Variants in MTMR10 observed in about 807,000 individuals in gnomAD.
MTMR10 encodes the protein myotubularin-related protein 10.
Under a neutral mutation model 88.1 loss-of-function variants are expected in MTMR10, and 56 were observed. The ratio of observed to expected loss-of-function variants is 0.64; its 90% CI spans 0.51 to 0.79. The LOEUF (loss-of-function observed/expected upper bound fraction) is 0.79. MTMR10 is among the 30% of genes least tolerant of loss of function. The probability of loss-of-function intolerance (pLI) is 0.00; values close to 1 mark genes in which losing one functional copy is unlikely to be tolerated. For missense variants in MTMR10, 883 were observed against 924.7 expected, an observed-to-expected ratio of 0.95 and a Z score of 0.58; for synonymous variants, 380 against 340.9, an observed-to-expected ratio of 1.11 and a Z score of -1.26.
chr15:30,970,263 T>C (rs1457171875), intron 5 of MTMR10, among the ~76,000 whole-genome samples: 1 of 152,136 alleles, frequency 6.6e-6, no homozygotes, highest in Non-Finnish European at 1.5e-5. Flanking sequence ...GAAGCTTACA[T>C]TCTAGTGGGA....
intron 9 of MTMR10, 24 bp from the exon 10 acceptor site, chr15:30,954,917 G>A (rs769831990): frequency 1.8e-5 from 27 of 1,519,244 alleles, no homozygotes; most frequent in Non-Finnish European, 2.1e-5. Context: ...AAATACTTTA[G>A]TCATTACTCA....
chr15:30,922,269 A>G, the MTMR10 span: 1 of 1,613,478 alleles, frequency 6.2e-7, no homozygotes, highest in Admixed American at 1.7e-5. Context: ...CTTTTGTCTC[A>G]GAGAATTTAT....
chr15:30,931,208 A>T, the MTMR10 span, among the ~76,000 whole-genome samples: 1,821 of 152,204 alleles, frequency 0.012, 30 homozygotes, highest in African/African-American at 0.04. Flanking sequence ...CCCACAAAAA[A>T]TTTTTTAAAA....
intron 2 of MTMR10, among the ~76,000 whole-genome samples, chr15:30,981,257 A>G (rs145236694): frequency 5.4e-4 from 83 of 152,362 alleles, no homozygotes; most frequent in South Asian, 1.7e-3. Context: ...TTAATTCCCA[A>G]TCCCTTGAAT....
In MTMR10 at chr15:30,975,052, C is replaced by T. The variant is rs1490867741; in HGVS notation, c.259-49G>A. 4 of 1,339,028 alleles carry T rather than the reference C, an allele frequency of 3.0e-6. No individual in the cohort carries two copies. The East Asian group carries it at 1.0e-4, about 34-fold the overall frequency. The allele number at this position is 1,339,028 out of a possible 1,614,324, so 82.9% of individuals were successfully genotyped here. ...ATTAATTCTTTTCCCAATAATCTCACAATGGTAGTATAAGCCTTAAACTGT... is the reference window on the plus strand; with the variant it reads ...ATTAATTCTTTTCCCAATAATCTCATAATGGTAGTATAAGCCTTAAACTGT... On this transcript the variant is annotated intron_variant, in intron 3 of 15. Coordinates refer to ENST00000435680, the MANE Select transcript of MTMR10 (RefSeq NM_017762.3).
intron 2 of MTMR10, among the ~76,000 whole-genome samples, chr15:30,983,181 G>T (rs955610081): frequency 6.6e-6 from 1 of 152,208 alleles, no homozygotes; most frequent in East Asian, 1.9e-4. Context: ...TATGCCATCA[G>T]CCACGGTGGG....
intron 9 of MTMR10, 74 bp downstream of exon 9, chr15:30,958,789 A>T: frequency 6.8e-7 from 1 of 1,480,652 alleles, no homozygotes; most frequent in Non-Finnish European, 9.4e-7. Flanking sequence ...TGTTATTTTC[A>T]ATTAGTAGGG....
downstream of MTMR10, chr15:30,938,908 G>GTTCCAGTAGATGA (rs2062945763): frequency 2.0e-6 from 2 of 984,934 alleles, no homozygotes; most frequent in Admixed American, 1.2e-4. Flanking sequence ...CAATCACTGT[G>GTTCCAGTAGATGA]TTCCAGTAGA....
chr15:30,959,671 A>G (rs368300132), intron 7 of MTMR10, among the ~76,000 whole-genome samples: 9 of 152,354 alleles, frequency 5.9e-5, no homozygotes, highest in East Asian at 1.9e-4. Flanking sequence ...CTCAGCACAT[A>G]TACCAGAGTG....
At chr15:30,930,512 A>G in the MTMR10 span, 4 of 1,562,998 alleles carry the variant, frequency 2.6e-6, no homozygotes, top group Non-Finnish European at 2.6e-6. Flanking sequence ...TCACGAGGGA[A>G]GTGGCTAACT....
the MTMR10 span, among the ~76,000 whole-genome samples, chr15:30,931,733 T>C: frequency 2.0e-5 from 3 of 152,138 alleles, no homozygotes; most frequent in Non-Finnish European, 2.9e-5. Flanking sequence ...GTAACCCATA[T>C]ATATGTGGGT....
chr15:30,923,820 A>G, the MTMR10 span, among the ~76,000 whole-genome samples: 1 of 151,826 alleles, frequency 6.6e-6, no homozygotes, highest in South Asian at 2.1e-4. Context: ...TTTTTCTTTC[A>G]CTTTTTATGT....
chr15:30,948,248 A>G (rs1439515756), intron 13 of MTMR10, 54 bp downstream of exon 13: 3 of 1,504,182 alleles, frequency 2.0e-6, no homozygotes, highest in Non-Finnish European at 2.7e-6. Flanking sequence ...AATGACACAA[A>G]TTTTATTTTG....
chr15:30,957,275 C>T (rs554125981), intron 9 of MTMR10, among the ~76,000 whole-genome samples: 8 of 152,158 alleles, frequency 5.3e-5, no homozygotes, highest in South Asian at 2.1e-4. Context: ...AAACGACAGG[C>T]GGTAATCAAA....
At chr15:30,929,691 T>TG in the MTMR10 span, among the ~76,000 whole-genome samples, 7 of 107,510 alleles carry the variant, frequency 6.5e-5, no homozygotes, top group Non-Finnish European at 8.9e-5. Context: ...ATAATATATA[T>TG]AAAATATATA....
At chr15:30,943,592 A>G (rs1480501825) in intron 14 of MTMR10, 1 of 985,268 alleles carries the variant, frequency 1.0e-6, no homozygotes, top group Non-Finnish European at 1.2e-6. Flanking sequence ...TCAGGGTAGG[A>G]AGGAAGGGAT....
chr15:30,930,510 GA>G, the MTMR10 span: 1 of 1,563,530 alleles, frequency 6.4e-7, no homozygotes, highest in African/African-American at 1.4e-5. Context: ...TGTCACGAGG[GA>G]AGTGGCTAAC....
downstream of MTMR10, chr15:30,937,390 A>G (rs543947317): frequency 1.0e-5 from 8 of 793,668 alleles, no homozygotes; most frequent in Admixed American, 2.4e-4. Context: ...GTGTCTGCAT[A>G]TCACAAAACA....
Position 30,990,758 on chromosome 15 carries a change from A to G in MTMR10, c.121+19T>C. 1 of 1,600,948 alleles carries G rather than the reference A, an allele frequency of 6.2e-7. No homozygotes were observed. The stretch of plus-strand genomic sequence containing the variant: ...AATACGTTGCTAAAGTATCTGTTAG[A>G]ATCCTAACTAATGTTTACCTGGCAA... On this transcript the variant is annotated intron_variant, in intron 2 of 15. Coordinates refer to ENST00000435680, the MANE Select transcript of MTMR10 (RefSeq NM_017762.3).
Sources: gnomAD v4.1 joint callset for allele counts (sites outside exome capture counted in the v4.1 genomes callset) on GRCh38, gnomAD v4.1.1 for gene constraint, MANE v1.5 for transcripts, NCBI Gene and HGNC (gene_info 2026-07-23, HGNC 2026-07-21) for gene names.